TNFRSF10A: variants seen among roughly 807,000 people sequenced by gnomAD.
The protein encoded by TNFRSF10A is tumor necrosis factor receptor superfamily member 10A.
A neutral mutation model predicts 42.8 loss-of-function variants in TNFRSF10A; 44 were observed. The observed-to-expected ratio is 1.03, with a 90% CI of 0.81 to 1.32. The LOEUF (loss-of-function observed/expected upper bound fraction) is 1.32. Among genes scored for constraint, TNFRSF10A ranks in the 40% most tolerant of loss-of-function variants. TNFRSF10A has a pLI of 0.00. For synonymous variants in TNFRSF10A, 259 were observed against 234.2 expected, an observed-to-expected ratio of 1.11 and a Z score of -0.97; for missense variants, 680 against 602.0, an observed-to-expected ratio of 1.13 and a Z score of -1.36.
intron 1 of TNFRSF10A, among the ~76,000 whole-genome samples, chr8:23,223,339 A>G (rs1377234385): frequency 6.6e-6 from 1 of 152,224 alleles, no homozygotes; most frequent in Non-Finnish European, 1.5e-5. Context: ...TGCTGGGATT[A>G]CAGGCGTGAG....
intron 1 of TNFRSF10A, chr8:23,224,366 G>T (rs1387310004): frequency 5.2e-6 from 1 of 192,224 alleles, no homozygotes; most frequent in African/African-American, 2.4e-5. Context: ...GAATCAGGGA[G>T]TGGGGAGAAT....
At chr8:23,207,203 T>C (rs982389100) in intron 2 of TNFRSF10A, 25 of 598,412 alleles carry the variant, frequency 4.2e-5, no homozygotes, top group East Asian at 3.2e-4. Context: ...TTGTAGATGT[T>C]AAAACCAACA....
At chr8:23,212,489 G>A (rs958744740) in intron 1 of TNFRSF10A, among the ~76,000 whole-genome samples, 6 of 152,182 alleles carry the variant, frequency 3.9e-5, no homozygotes, top group Non-Finnish European at 7.3e-5. Flanking sequence ...TGGTTTTCTT[G>A]AGGCTGTCAT....
At position 23,191,495 on chromosome 8, in the gene TNFRSF10A, T is replaced by G; in HGVS notation, c.*199A>C. On this transcript the variant is annotated 3_prime_UTR_variant, in exon 10 of 10. Transcript: ENST00000221132. The stretch of plus-strand genomic sequence containing the variant: ...TGTATTTTTTTGTAAAGACGGCATT[T>G]CACGATGTTGGTCAGGCTGGTCTTG... 1.5e-6 allele frequency: 1 copy of G among 685,480 alleles called. No homozygotes were observed. The highest frequency in any genetic ancestry group is 2.3e-6 in the Non-Finnish European group (1 of 426,612). The allele number at this position is 685,480 out of a possible 1,614,324, so 42.5% of individuals were successfully genotyped here. A position where few individuals can be genotyped will look rare whatever the true frequency, so the allele number is the denominator to read the frequency against.
chr8:23,206,954 C>A, intron 2 of TNFRSF10A: 1 of 322,000 alleles, frequency 3.1e-6, no homozygotes, highest in South Asian at 3.4e-5. Context: ...TCCTGCCCCT[C>A]CTAAAGCTGA....
At chr8:23,212,498 A>G (rs1031772848) in intron 1 of TNFRSF10A, among the ~76,000 whole-genome samples, 22 of 152,228 alleles carry the variant, frequency 1.4e-4, no homozygotes, top group African/African-American at 4.8e-4. Flanking sequence ...TGAGGCTGTC[A>G]TATTTCAATT....
intron 1 of TNFRSF10A, among the ~76,000 whole-genome samples, chr8:23,218,112 G>C (rs1158558751): frequency 2.6e-5 from 4 of 152,184 alleles, no homozygotes; most frequent in Non-Finnish European, 5.9e-5. Flanking sequence ...GAGGTTCTCA[G>C]TTCACAGATT....
At position 23,190,853 on chromosome 8, in the gene TNFRSF10A, A is replaced by C. The variant is rs1318583944; in HGVS notation, c.*841T>G. The C allele has an allele frequency of 6.6e-6, 1 of 152,226 alleles. No homozygotes were observed. The highest frequency in any genetic ancestry group is 2.4e-5 in the African/African-American group (1 of 41,440). The allele number at this position is 152,226 out of a possible 1,614,324, so 9.4% of individuals were successfully genotyped here. On this transcript the variant is annotated 3_prime_UTR_variant, in exon 10 of 10. Transcript: ENST00000221132. ...TAAGACCCAGGGAAGCCGATGGTGT[A>C]ATTCTTAGTTCAAGGCCAAAATCCT...
chr8:23,204,629 C>T (rs1042146672), intron 2 of TNFRSF10A, among the ~76,000 whole-genome samples: 1 of 152,112 alleles, frequency 6.6e-6, no homozygotes, highest in African/African-American at 2.4e-5. Context: ...ATAGAACATT[C>T]TCCAAAATAA....
intron 8 of TNFRSF10A, among the ~76,000 whole-genome samples, chr8:23,198,828 G>A (rs960306865): frequency 1.3e-5 from 2 of 152,210 alleles, no homozygotes; most frequent in Admixed American, 6.5e-5. Context: ...CTTGGAAATT[G>A]TGCTTCTTCT....
chr8:23,199,890 T>A lies in TNFRSF10A; in HGVS notation c.827A>T (p.Asp276Val), dbSNP rs1475145948. ...SGCGGDPKCMDRVCFWRLGLL... is the reference protein window; with the variant it reads ...SGCGGDPKCMVRVCFWRLGLL... ...CTCCTGGAGAAATCAACTCACCCTG[T>A]CCATGCACTTGGGGTCCCCTCCACA... Residue 276 changes from aspartate (D) to valine (V), a missense_variant, in exon 7 of 10, where the codon GAC becomes GTC. Transcript: ENST00000221132. 7 of 1,614,104 alleles carry A rather than the reference T, an allele frequency of 4.3e-6. No homozygotes were observed. The East Asian group carries it at 1.6e-4, about 36-fold the overall frequency.
intron 1 of TNFRSF10A, among the ~76,000 whole-genome samples, chr8:23,217,345 T>C (rs1801198927): frequency 6.6e-6 from 1 of 152,098 alleles, no homozygotes. Flanking sequence ...CCCTCCCCAG[T>C]AGCTGAGATT....
chr8:23,212,283 TC>T, intron 1 of TNFRSF10A, 71 bp from the exon 2 acceptor site: 3 of 1,341,514 alleles, frequency 2.2e-6, no homozygotes, highest in Non-Finnish European at 3.2e-6. Context: ...AATCTCACAT[TC>T]CATTCCCCCA....
At chr8:23,199,489 G>T in intron 7 of TNFRSF10A, 41 bp from the exon 8 acceptor site, 1 of 1,596,420 alleles carries the variant, frequency 6.3e-7, no homozygotes. Flanking sequence ...CCACACCCAG[G>T]GCTCCCCACG....
intron 2 of TNFRSF10A, among the ~76,000 whole-genome samples, chr8:23,211,484 C>G (rs1298488758): frequency 6.6e-6 from 1 of 152,132 alleles, no homozygotes; most frequent in African/African-American, 2.4e-5. Context: ...CTAAACTGAG[C>G]AACAGGTGCA....
chr8:23,207,186 G>T (rs142102527), intron 2 of TNFRSF10A: 1 of 598,574 alleles, frequency 1.7e-6, no homozygotes, highest in African/African-American at 1.8e-5. Context: ...CAACACACTT[G>T]TGTTCATTGT....
Position 23,202,654 on chromosome 8 carries a change from T to C in TNFRSF10A, c.511A>G (p.Lys171Glu). The C allele has an allele frequency of 6.2e-7, 1 of 1,613,434 alleles. No individual in the cohort carries two copies. The highest frequency in any genetic ancestry group is 8.5e-7 in the Non-Finnish European group (1 of 1,179,510). ...LFACLPCTAC[K>E]SDEEERSPCT... ...AGGTCCACACATTCTGTACCTGATTTACAAGCTGTACATGGGAGGCAAGCA... is the reference window on the plus strand; with the variant it reads ...AGGTCCACACATTCTGTACCTGATTCACAAGCTGTACATGGGAGGCAAGCA... The change falls in exon 3 of 10, where the codon AAA (lysine) becomes GAA (glutamate). Residue 171 changes from lysine to glutamate, a missense_variant. By Grantham distance (56) the Lys-to-Glu change is moderately conservative. Transcript: ENST00000221132.
At chr8:23,203,788 T>TTA (rs1800969303) in intron 2 of TNFRSF10A, among the ~76,000 whole-genome samples, 1 of 151,640 alleles carries the variant, frequency 6.6e-6, no homozygotes, top group African/African-American at 2.4e-5. Context: ...AGGCTTTTTT[T>TTA]TTTTTTTGAG....
rs1355577438 is a variant in TNFRSF10A at position 23,194,278 on chromosome 8, A to C, written c.1088-2265T>G. On this transcript the variant is annotated intron_variant, in intron 9 of 9. Transcript: ENST00000221132. The stretch of plus-strand genomic sequence containing the variant: ...GTTGTGTCTACCAAATTGACTTATA[A>C]GTAAAAGAGTACTCATAAATAAAGT... Among the ~76,000 whole-genome samples, 8 of 152,218 alleles carry C rather than the reference A, an allele frequency of 5.3e-5. 1 individual carries two copies.
Sources: allele counts gnomAD v4.1 joint callset (sites outside exome capture counted in the v4.1 genomes callset), GRCh38; gene constraint gnomAD v4.1.1; transcripts MANE v1.5; gene names NCBI Gene and HGNC (gene_info 2026-07-23, HGNC 2026-07-21).